The following ZNF440 variants were observed in gnomAD, a reference collection of about 807,000 sequenced individuals.
ZNF440 encodes zinc finger protein 440.
ZNF440 carries 47 observed loss-of-function variants against 49.7 expected under a neutral mutation model. The observed-to-expected ratio is 0.95, with a 90% confidence interval of 0.75 to 1.21. ZNF440 has a LOEUF of 1.21. Among genes scored for constraint, ZNF440 ranks in the 50% most tolerant of loss-of-function variants. ZNF440 has a pLI of 0.00. For synonymous variants in ZNF440, 255 were observed against 237.7 expected (o/e 1.07, Z -0.67); for missense variants, 703 against 715.0 (o/e 0.98, Z 0.19).
intron 1 of ZNF440, among the ~76,000 whole-genome samples, chr19:11,819,402 T>A (rs1975771854): frequency 6.6e-6 from 1 of 151,310 alleles, no homozygotes; most frequent in Non-Finnish European, 1.5e-5. Flanking sequence ...TTTGTTTGTT[T>A]TTTTGATTTT....
intron 1 of ZNF440, among the ~76,000 whole-genome samples, chr19:11,829,230 A>G (rs1227062986): frequency 1.3e-5 from 2 of 151,716 alleles, no homozygotes; most frequent in South Asian, 2.1e-4. Context: ...TTGCCCTATC[A>G]GCATCTATCT....
Position 11,833,712 on chromosome 19 carries a change from GA to G in ZNF440, c.*751del. 3 of 685,716 alleles carry G rather than the reference GA, an allele frequency of 4.4e-6. No individual in the cohort carries two copies. The highest frequency in any genetic ancestry group is 4.6e-6 in the Non-Finnish European group (2 of 438,506). The allele number at this position is 685,716 out of a possible 1,614,324, so 42.5% of individuals were successfully genotyped here. A position where few individuals can be genotyped will look rare whatever the true frequency, so the allele number is the denominator to read the frequency against. ...TTCTTCTAGTTCCCTTCAATATCAT[GA>G]AAGGACTCACACTGGAGAGAAGCCC... On this transcript the variant is annotated 3_prime_UTR_variant, in exon 4 of 4. Transcript: ENST00000304060.
intron 1 of ZNF440, among the ~76,000 whole-genome samples, chr19:11,815,547 G>A (rs1270983666): frequency 6.6e-6 from 1 of 152,096 alleles, no homozygotes; most frequent in African/African-American, 2.4e-5. Flanking sequence ...GAGGAGTAGC[G>A]GTCTTTGGGG....
At chr19:11,818,616 C>T (rs1975761820) in intron 1 of ZNF440, among the ~76,000 whole-genome samples, 1 of 152,076 alleles carries the variant, frequency 6.6e-6, no homozygotes, top group Non-Finnish European at 1.5e-5. Flanking sequence ...GTGGTGCGAT[C>T]ATGGCTTACT....
chr19:11,826,453 G>A (rs1246888737), intron 1 of ZNF440, among the ~76,000 whole-genome samples: 1 of 152,124 alleles, frequency 6.6e-6, no homozygotes, highest in Non-Finnish European at 1.5e-5. Flanking sequence ...ATGTAGGAAT[G>A]AGACTACTGA....
chr19:11,814,764 G>A (rs1394640510), intron 1 of ZNF440, among the ~76,000 whole-genome samples: 1 of 152,242 alleles, frequency 6.6e-6, no homozygotes, highest in South Asian at 2.1e-4. Context: ...AGTGCCCGGT[G>A]CCGCAAAGAA....
At chr19:11,822,524 C>A (rs1238337350) in intron 1 of ZNF440, among the ~76,000 whole-genome samples, 1 of 152,120 alleles carries the variant, frequency 6.6e-6, no homozygotes, top group Admixed American at 6.6e-5. Flanking sequence ...GCTGGCAATA[C>A]CTGGTTTGTC....
intron 1 of ZNF440, among the ~76,000 whole-genome samples, chr19:11,821,046 A>G (rs1422547364): frequency 1.3e-5 from 2 of 152,148 alleles, no homozygotes; most frequent in Non-Finnish European, 2.9e-5. Flanking sequence ...CTGTCAAAAT[A>G]TGCATGCTTC....
rs368965098 is a variant in ZNF440, at chr19:11,832,065, C to T, written c.889C>T (p.Arg297Cys). 51 of 1,613,974 alleles carry T rather than the reference C, an allele frequency of 3.2e-5. No homozygotes were observed. Among genetic ancestry groups the T allele is most frequent in the African/African-American group, 1.3e-4 (10 of 75,006 alleles). The change falls in exon 4 of 4, where the codon CGT (arginine) becomes TGT (cysteine). Residue 297 changes from arginine (R) to cysteine (C), a missense_variant. Coordinates refer to ENST00000304060, the MANE Select transcript of ZNF440 (RefSeq NM_152357.3). Reference sequence around the variant, plus strand: ...ATGTGGAAAAGCATTCACGTGTCCCCGTTATGTTCGTATACATGAAAGGAC... The same window carrying T: ...ATGTGGAAAAGCATTCACGTGTCCCTGTTATGTTCGTATACATGAAAGGAC... ...KECGKAFTCP[R>C]YVRIHERTHS... is the part of the protein sequence containing the mutation.
In ZNF440 at chr19:11,833,725, C is replaced by G; in HGVS notation, c.*761C>G. 1.3e-6 allele frequency: 1 copy of G among 766,146 alleles called. No homozygotes were observed. The highest frequency in any genetic ancestry group is 1.9e-5 in the South Asian group (1 of 52,226). The allele number at this position is 766,146 out of a possible 1,614,324, so 47.5% of individuals were successfully genotyped here. On this transcript the variant is annotated 3_prime_UTR_variant, in exon 4 of 4. Coordinates refer to ENST00000304060, the MANE Select transcript of ZNF440 (RefSeq NM_152357.3). ...CTTCAATATCATGAAAGGACTCACA[C>G]TGGAGAGAAGCCCTATGAATATAAG...
intron 1 of ZNF440, among the ~76,000 whole-genome samples, chr19:11,820,054 A>G (rs762910716): frequency 2.0e-5 from 3 of 152,192 alleles, no homozygotes; most frequent in Non-Finnish European, 4.4e-5. Context: ...TTCACATGAG[A>G]GGAAAGCAGA....
rs186341147 is a variant in ZNF440, at chr19:11,828,644, C to A, written c.4-1639C>A. Among the ~76,000 whole-genome samples, 64 of 151,130 alleles carry A rather than the reference C, an allele frequency of 4.2e-4. No homozygotes were observed. In the East Asian group the frequency reaches 0.012, roughly 28 times the overall value. ...GCTTTTTTCAATTATCCCGAGGTGT[C>A]ATGCATGTTGTAGTTTAGTCCAAGA... On this transcript the variant is annotated intron_variant, in intron 1 of 3. Coordinates refer to ENST00000304060, the MANE Select transcript of ZNF440 (RefSeq NM_152357.3).
rs1200519851 is a variant in ZNF440, at chr19:11,832,970, T to C, written c.*6T>C. On this transcript the variant is annotated 3_prime_UTR_variant, in exon 4 of 4. Coordinates refer to ENST00000304060, the MANE Select transcript of ZNF440 (RefSeq NM_152357.3). ...AAGGACACAAACACACATAATGCAC[T>C]CTGTAGAGAGACCTTATAAATGTAA... 6.2e-7 allele frequency: 1 copy of C among 1,604,790 alleles called. No homozygotes were observed. The highest frequency in any genetic ancestry group is 1.8e-5 in the Admixed American group (1 of 56,562).
intron 1 of ZNF440, among the ~76,000 whole-genome samples, chr19:11,829,667 C>T (rs561048892): frequency 6.6e-6 from 1 of 152,236 alleles, no homozygotes; most frequent in African/African-American, 2.4e-5. Flanking sequence ...GTTCTAGCAT[C>T]ACAATTGCTT....
chr19:11,817,687 A>G (rs1975749360), intron 1 of ZNF440: 2 of 131,538 alleles, frequency 1.5e-5, no homozygotes, highest in Admixed American at 1.5e-4. Context: ...AAAAAAAAAA[A>G]GGAAAGAAAG....
intron 1 of ZNF440, among the ~76,000 whole-genome samples, chr19:11,818,307 T>C (rs1975757693): frequency 6.6e-6 from 1 of 152,180 alleles, no homozygotes; most frequent in South Asian, 2.1e-4. Context: ...GTTGTGGGAG[T>C]GTAAGGATAC....
At chr19:11,819,285 A>G (rs530644559) in intron 1 of ZNF440, among the ~76,000 whole-genome samples, 14 of 152,314 alleles carry the variant, frequency 9.2e-5, no homozygotes, top group Non-Finnish European at 1.9e-4. Flanking sequence ...CAGGGAAAGG[A>G]GGGTTCCAAC....
chr19:11,834,085 A>G lies in ZNF440; in HGVS notation c.*1121A>G, dbSNP rs1236758919. On this transcript the variant is annotated 3_prime_UTR_variant, in exon 4 of 4. Transcript: ENST00000304060. Reference sequence around the variant, plus strand: ...TTTTTATTCGAAAATTTTACTTTTCATGCTTCTGTACTTACATTTTTATCT... The same window carrying G: ...TTTTTATTCGAAAATTTTACTTTTCGTGCTTCTGTACTTACATTTTTATCT... 4 of 293,830 alleles carry G rather than the reference A, an allele frequency of 1.4e-5. No homozygotes were observed. The highest frequency in any genetic ancestry group is 6.6e-5 in the African/African-American group (3 of 45,522). The allele number at this position is 293,830 out of a possible 1,614,324, so 18.2% of individuals were successfully genotyped here.
chr19:11,831,921 ACT>A lies in ZNF440; in HGVS notation c.747_748del (p.Thr251TrpfsTer6). ...TGCTACCCATCGAATACATAAAAGA[ACT>A]CACACTGGAGAAAAGCCTTATGAAT... ...YSATHRIHKR[T>X]HTGEKPYEYQ... On this transcript the variant is annotated frameshift_variant, in exon 4 of 4. Coordinates refer to ENST00000304060, the MANE Select transcript of ZNF440 (RefSeq NM_152357.3). LOFTEE classifies it high-confidence loss of function. 1 of 1,613,968 alleles carries A rather than the reference ACT, an allele frequency of 6.2e-7. No homozygotes were observed.
Sources: allele counts gnomAD v4.1 joint callset (sites outside exome capture counted in the v4.1 genomes callset), GRCh38; gene constraint gnomAD v4.1.1; transcripts MANE v1.5; gene names NCBI Gene and HGNC (gene_info 2026-07-23, HGNC 2026-07-21).